The following MKRN1 variants were observed in gnomAD, a reference collection of about 807,000 sequenced individuals.
MKRN1 encodes the protein makorin ring finger protein 1, also known as E3 ubiquitin-protein ligase makorin-1.
In MKRN1, 9 loss-of-function variants were observed where a neutral mutation model predicts 55.5. The ratio of observed to expected loss-of-function variants is 0.16; its 90% CI spans 0.10 to 0.28. The LOEUF (loss-of-function observed/expected upper bound fraction) is 0.28, where lower values mean the gene tolerates loss of function less well. Among genes scored for constraint, MKRN1 ranks in the 10% least tolerant of loss-of-function variants. The pLI, the probability that MKRN1 is intolerant of heterozygous loss-of-function variation, is 1.00. For synonymous variants in MKRN1, 253 were observed against 235.9 expected, an observed-to-expected ratio of 1.07 and a Z score of -0.66; for missense variants, 488 against 626.7, an observed-to-expected ratio of 0.78 and a Z score of 2.36.
chr7:140,479,097 G>C, intron 1 of MKRN1, 63 bp downstream of exon 1: 1 of 1,251,570 alleles, frequency 8.0e-7, no homozygotes, highest in Non-Finnish European at 1.0e-6. Flanking sequence ...CCTCCCTCCC[G>C]CGCCGCAGGC....
At chr7:140,456,950 A>G in intron 4 of MKRN1, 84 bp from the exon 5 acceptor site, 1 of 1,295,632 alleles carries the variant, frequency 7.7e-7, no homozygotes, top group Admixed American at 2.3e-5. Context: ...TCACAGTCAA[A>G]GAATCAAATA....
chr7:140,471,890 G>T lies in MKRN1; in HGVS notation c.307C>A (p.Arg103Ser), dbSNP rs759833443. Residue 103 changes from arginine (R) to serine (S), a missense_variant, in exon 2 of 8, where the codon CGC (arginine) becomes AGC (serine). Arg to Ser is a moderately radical substitution (Grantham distance 110). Transcript: ENST00000255977. The part of the protein sequence containing the change: ...FQRGYCIYGD[R>S]CRYEHSKPLK... The stretch of plus-strand genomic sequence containing the variant: ...TTATAAACAAATTCTTACCTGCAGC[G>T]GTCTCCATAAATACAGTACCCTCGC... The T allele has an allele frequency of 1.9e-6, 3 of 1,612,956 alleles. No homozygotes were observed. The highest frequency in any genetic ancestry group is 1.7e-6 in the Non-Finnish European group (2 of 1,179,636).
At chr7:140,473,143 A>G (rs1373160317) in intron 1 of MKRN1, 3 of 394,898 alleles carry the variant, frequency 7.6e-6, no homozygotes, top group Non-Finnish European at 1.5e-5. Flanking sequence ...AGTCTACGTC[A>G]AAGAATTTCT....
chr7:140,456,380 A>C (rs1794466000), intron 5 of MKRN1: 3 of 1,304,566 alleles, frequency 2.3e-6, no homozygotes, highest in East Asian at 3.6e-5. Context: ...CACTGAGCCT[A>C]AACTGGCTAA....
intron 2 of MKRN1, among the ~76,000 whole-genome samples, chr7:140,469,913 C>T (rs1401619335): frequency 6.6e-6 from 1 of 151,456 alleles, no homozygotes; most frequent in African/African-American, 2.4e-5. Flanking sequence ...CTGAGTGTGG[C>T]GGTGCATGCC....
At chr7:140,466,211 T>A (rs1794760907) in intron 2 of MKRN1, among the ~76,000 whole-genome samples, 1 of 152,194 alleles carries the variant, frequency 6.6e-6, no homozygotes, top group African/African-American at 2.4e-5. Flanking sequence ...AATAATCACC[T>A]ATATCAGCCT....
intron 2 of MKRN1, among the ~76,000 whole-genome samples, chr7:140,466,037 C>T (rs1794756150): frequency 1.3e-5 from 2 of 152,002 alleles, no homozygotes; most frequent in Admixed American, 6.6e-5. Flanking sequence ...GCCGAGATCA[C>T]GCCACTGCAC....
chr7:140,471,879 T>A lies in MKRN1; in HGVS notation c.314+4A>T, dbSNP rs374897484. ...CCTGAACAAATTTATAAACAAATTCTTACCTGCAGCGGTCTCCATAAATAC... is the reference window on the plus strand; with the variant it reads ...CCTGAACAAATTTATAAACAAATTCATACCTGCAGCGGTCTCCATAAATAC... On this transcript the variant is annotated splice_donor_region_variant and intron_variant, in intron 2 of 7. Coordinates refer to ENST00000255977, the MANE Select transcript of MKRN1 (RefSeq NM_013446.4). 51 of 1,611,674 alleles carry A rather than the reference T, an allele frequency of 3.2e-5. No individual in the cohort carries two copies. In the African/African-American group the frequency reaches 6.5e-4, roughly 21 times the overall value.
intron 1 of MKRN1, 82 bp downstream of exon 1, chr7:140,479,078 G>A (rs1795210812): frequency 1.6e-6 from 2 of 1,238,080 alleles, no homozygotes; most frequent in Non-Finnish European, 2.0e-6. Flanking sequence ...GCCGCAGGCC[G>A]GCCGCCCTCC....
Position 140,456,710 on chromosome 7 carries a change from AGTAGGT to A in MKRN1, c.922_927del (p.Thr308_Tyr309del). The A allele has an allele frequency of 6.2e-7, 1 of 1,614,152 alleles. No individual in the cohort carries two copies. The highest frequency in any genetic ancestry group is 1.3e-5 in the African/African-American group (1 of 75,058). On this transcript the variant is annotated inframe_deletion, in exon 5 of 8. Transcript: ENST00000255977. ...CTCCACTTGCGAATGCACTTGAGACAGTAGGTGTGGTTGCAGTTGGAGAGGATCCCG... is the reference window on the plus strand; with the variant it reads ...CTCCACTTGCGAATGCACTTGAGACAGTGGTTGCAGTTGGAGAGGATCCCG...
chr7:140,479,120 C>G lies in MKRN1; in HGVS notation c.185+40G>C. Reference sequence around the variant, plus strand: ...CCGCGCCGCAGGCTTGGCCCGCGGCCCCCTCCCCGCGCCCGGCGCTCCGCC... The same window carrying G: ...CCGCGCCGCAGGCTTGGCCCGCGGCGCCCTCCCCGCGCCCGGCGCTCCGCC... On this transcript the variant is annotated intron_variant, in intron 1 of 7. Transcript: ENST00000255977. 3.1e-6 allele frequency: 4 copies of G among 1,295,660 alleles called. No individual in the cohort carries two copies. The South Asian group carries it at 7.4e-5, about 24-fold the overall frequency. 80.3% of individuals were successfully genotyped at this position (1,295,660 alleles called of 1,614,324 possible).
Position 140,456,885 on chromosome 7 carries a change from G to GAAC in MKRN1, c.772-22_772-20dup. 1 of 1,607,030 alleles carries GAAC rather than the reference G, an allele frequency of 6.2e-7. No individual in the cohort carries two copies. The highest frequency in any genetic ancestry group is 1.1e-5 in the South Asian group (1 of 90,368). On this transcript the variant is annotated intron_variant, in intron 4 of 7. Transcript: ENST00000255977. Reference sequence around the variant, plus strand: ...TGCACGACTAGAGAAGGTGGAGAGAGAACAAGTGGAATCCAGTCATTGAAC... The same window carrying GAAC: ...TGCACGACTAGAGAAGGTGGAGAGAGAACAACAAGTGGAATCCAGTCATTGAAC...
intron 4 of MKRN1, 161 bp from the exon 5 acceptor site, chr7:140,457,027 T>C: frequency 4.3e-6 from 3 of 700,568 alleles, no homozygotes; most frequent in Admixed American, 6.2e-5. Context: ...TAAACACAGG[T>C]GTGGTGTTTT....
chr7:140,454,946 A>G, intron 7 of MKRN1, 149 bp downstream of exon 7: 1 of 1,220,136 alleles, frequency 8.2e-7, no homozygotes, highest in Non-Finnish European at 1.1e-6. Flanking sequence ...TATCCCTCCC[A>G]GTTTTCTGAG....
rs939963126 is a variant in MKRN1, at chr7:140,479,295, C to T, written c.50G>A (p.Gly17Glu). ...TGCTGCCGCCGTCGCCGCTGCCGCT[C>T]CTGCTCCTGATGTTGTGGCTGTTGT... ...PGTTATTSGA[G>E]AAAATAAAAS... is the part of the protein sequence containing the mutation. The change falls in exon 1 of 8, where the codon GGA (glycine) becomes GAA (glutamate). Residue 17 changes from glycine (G) to glutamate (E), a missense_variant. Gly to Glu is a moderately conservative substitution (Grantham distance 98). Around this residue, in one of 2 missense-constraint regions of MKRN1, gnomAD observed 210 missense variants for 220.0 expected, o/e 0.95. Coordinates refer to ENST00000255977, the MANE Select transcript of MKRN1 (RefSeq NM_013446.4). The T allele has an allele frequency of 5.8e-6, 8 of 1,379,820 alleles. No individual in the cohort carries two copies. The highest frequency in any genetic ancestry group is 3.7e-5 in the Admixed American group (1 of 26,690). 85.5% of individuals were successfully genotyped at this position (1,379,820 alleles called of 1,614,324 possible). A position where few individuals can be genotyped will look rare whatever the true frequency, so the allele number is the denominator to read the frequency against.
In MKRN1 at chr7:140,455,058, G is replaced by A. The variant is rs758193966; in HGVS notation, c.1236+37C>T. ...ATGTGCAGGACTCAACTGATACCTTGGAATTTCCCCTCCTTTAAAAAAACA... is the reference window on the plus strand; with the variant it reads ...ATGTGCAGGACTCAACTGATACCTTAGAATTTCCCCTCCTTTAAAAAAACA... On this transcript the variant is annotated intron_variant, in intron 7 of 7. Transcript: ENST00000255977. 2.5e-6 allele frequency: 4 copies of A among 1,610,064 alleles called. No homozygotes were observed. In the Admixed American group the frequency reaches 6.7e-5, roughly 27 times the overall value.
rs190982135 is a variant in MKRN1, at chr7:140,463,722, A to G, written c.315-3786T>C. 6.3e-3 allele frequency among the ~76,000 whole-genome samples: 963 copies of G among 152,022 alleles called. 8 individuals are homozygous for G. Among genetic ancestry groups the G allele is most frequent in the African/African-American group, 0.022 (916 of 41,500 alleles). ...AACACGGTGAAACCTCGTCTCTACTAAAAATACAAAAAATTAGCCGGGCGT... is the reference window on the plus strand; with the variant it reads ...AACACGGTGAAACCTCGTCTCTACTGAAAATACAAAAAATTAGCCGGGCGT... On this transcript the variant is annotated intron_variant, in intron 2 of 7. Transcript: ENST00000255977.
rs1158376081 is a variant in MKRN1 at position 140,459,300 on chromosome 7, A to G, written c.545-67T>C. 2.7e-6 allele frequency: 4 copies of G among 1,474,292 alleles called. No individual in the cohort carries two copies. In the East Asian group the frequency reaches 9.1e-5, roughly 34 times the overall value. 91.3% of individuals were successfully genotyped at this position (1,474,292 alleles called of 1,614,324 possible). A position where few individuals can be genotyped will look rare whatever the true frequency, so the allele number is the denominator to read the frequency against. ...GGCATGAACTATAAGAGAACTGAGAATCTAACCGCAAAAAATGAAAATAAA... is the reference window on the plus strand; with the variant it reads ...GGCATGAACTATAAGAGAACTGAGAGTCTAACCGCAAAAAATGAAAATAAA... On this transcript the variant is annotated intron_variant, in intron 3 of 7. Coordinates refer to ENST00000255977, the MANE Select transcript of MKRN1 (RefSeq NM_013446.4).
intron 2 of MKRN1, among the ~76,000 whole-genome samples, chr7:140,468,153 C>G (rs1665830736): frequency 1.3e-5 from 2 of 151,984 alleles, no homozygotes; most frequent in African/African-American, 2.4e-5. Context: ...CTTTCTGATT[C>G]TATCTCACAG....
Sources: allele counts gnomAD v4.1 joint callset (sites outside exome capture counted in the v4.1 genomes callset), GRCh38; gene constraint gnomAD v4.1.1; regional missense constraint gnomAD v4.1.1; transcripts MANE v1.5; gene names NCBI Gene and HGNC (gene_info 2026-07-23, HGNC 2026-07-21).